The following G3BP1 variants were observed in gnomAD, a reference collection of about 807,000 sequenced individuals.
G3BP1 encodes the protein ras GTPase-activating protein-binding protein 1.
A neutral mutation model predicts 58.6 loss-of-function variants in G3BP1; 35 were observed. That is an observed-to-expected ratio of 0.60 (90% CI 0.46 to 0.79). The LOEUF (loss-of-function observed/expected upper bound fraction) is 0.79, where lower values mean the gene tolerates loss of function less well. Among genes scored for constraint, G3BP1 ranks in the 30% least tolerant of loss-of-function variants. G3BP1 has a pLI of 0.00. For missense variants in G3BP1, 523 were observed against 580.8 expected, an observed-to-expected ratio of 0.90 and a Z score of 1.02; for synonymous variants, 191 against 195.4, an observed-to-expected ratio of 0.98 and a Z score of 0.19.
Position 151,790,908 on chromosome 5 carries a change from T to C in G3BP1, c.197T>C (p.Met66Thr), listed in dbSNP as rs1162387311. Reference sequence around the variant, plus strand: ...TTTAAGGAAATCCACAGGAAAGTGATGTCACAAAACTTCACCAACTGCCAC... The same window carrying C: ...TTTAAGGAAATCCACAGGAAAGTGACGTCACAAAACTTCACCAACTGCCAC... Reference protein sequence around the residue: ...YGQKEIHRKVMSQNFTNCHTK... With the variant: ...YGQKEIHRKVTSQNFTNCHTK... The change falls in exon 4 of 12, where the codon ATG becomes ACG. Residue 66 changes from methionine to threonine, a missense_variant. Met to Thr is a moderately conservative substitution (Grantham distance 81). Around this residue, in one of 2 missense-constraint regions of G3BP1, gnomAD observed 398 missense variants for 399.1 expected, o/e 1.00. Transcript: ENST00000356245. The C allele has an allele frequency of 1.3e-6, 2 of 1,592,550 alleles. No individual in the cohort carries two copies. The highest frequency in any genetic ancestry group is 1.7e-6 in the Non-Finnish European group (2 of 1,163,430).
chr5:151,772,688 T>C (rs1561528492), intron 1 of G3BP1: 1 of 152,324 alleles, frequency 6.6e-6, no homozygotes, highest in African/African-American at 2.4e-5. Context: ...GCTATCCTCC[T>C]TCCTTAGCGG....
At position 151,799,265 on chromosome 5, in the gene G3BP1, TC is replaced by T; in HGVS notation, c.797del (p.Pro266GlnfsTer43). ...AGAATCTTCCACCCAGTGGAGCTGT[TC>T]CAGTTACTGGGATACCACCTCATGT... ...SKNLPPSGAV[P>X]VTGIPPHVVK... On this transcript the variant is annotated frameshift_variant, in exon 8 of 12. Transcript: ENST00000356245. LOFTEE classifies it high-confidence loss of function. The T allele has an allele frequency of 6.2e-7, 1 of 1,607,204 alleles. No homozygotes were observed. The highest frequency in any genetic ancestry group is 8.5e-7 in the Non-Finnish European group (1 of 1,173,642).
At chr5:151,779,059 A>ATCAG (rs1340533253) in intron 1 of G3BP1, among the ~76,000 whole-genome samples, 1 of 151,998 alleles carries the variant, frequency 6.6e-6, no homozygotes, top group African/African-American at 2.4e-5. Context: ...AAAAAAAAAA[A>ATCAG]TCAGTCAGTC....
intron 4 of G3BP1, 149 bp downstream of exon 4, chr5:151,791,211 A>G: frequency 1.1e-5 from 7 of 635,844 alleles, no homozygotes; most frequent in Admixed American, 2.4e-5. Flanking sequence ...CTCCTTACCT[A>G]GAGCAGCTGT....
chr5:151,803,842 AGCT>A, intron 11 of G3BP1, 40 bp from the exon 12 acceptor site: 3 of 1,275,724 alleles, frequency 2.4e-6, no homozygotes, highest in Non-Finnish European at 3.4e-6. Context: ...AGTGATAGCC[AGCT>A]CATCAGTACT....
In G3BP1 at chr5:151,805,467, C is replaced by T. The variant is rs956704085; in HGVS notation, c.*1376C>T. The T allele has an allele frequency of 6.6e-6, 1 of 152,342 alleles. No individual in the cohort carries two copies. The highest frequency in any genetic ancestry group is 2.1e-4 in the South Asian group (1 of 4,824). 9.4% of individuals were successfully genotyped at this position (152,342 alleles called of 1,614,324 possible). ...GTGAAACAAACTTTTGTGTGATTGT[C>T]ATTACTAATTGAAGGGCAACCAGGT... is the stretch of plus-strand genomic sequence containing the variant. On this transcript the variant is annotated 3_prime_UTR_variant, in exon 12 of 12. Transcript: ENST00000356245.
In G3BP1 at chr5:151,808,502, A is replaced by G. The variant is rs1762969094; in HGVS notation, c.*4411A>G. ...TATGTGACTTGTTTGAAAACATTGG[A>G]TTCGTCTTCTCTCCACAGTTTCTAC... On this transcript the variant is annotated 3_prime_UTR_variant, in exon 12 of 12. Transcript: ENST00000356245. 1 of 152,184 alleles carries G rather than the reference A, an allele frequency of 6.6e-6. No individual in the cohort carries two copies. Among genetic ancestry groups the G allele is most frequent in the Admixed American group, 6.5e-5 (1 of 15,284 alleles). 9.4% of individuals were successfully genotyped at this position (152,184 alleles called of 1,614,324 possible). A position where few individuals can be genotyped will look rare whatever the true frequency, so the allele number is the denominator to read the frequency against.
chr5:151,804,447 G>C lies in G3BP1; in HGVS notation c.*356G>C, dbSNP rs1011086075. 1 of 177,222 alleles carries C rather than the reference G, an allele frequency of 5.6e-6. No homozygotes were observed. Among genetic ancestry groups the C allele is most frequent in the African/African-American group, 2.4e-5 (1 of 41,978 alleles). The allele number at this position is 177,222 out of a possible 1,614,324, so 11.0% of individuals were successfully genotyped here. A position where few individuals can be genotyped will look rare whatever the true frequency, so the allele number is the denominator to read the frequency against. ...ATGTCTTGCATATTACTGACATTTGGTATGTTTCATTCATTGGAATATTTC... is the reference window on the plus strand; with the variant it reads ...ATGTCTTGCATATTACTGACATTTGCTATGTTTCATTCATTGGAATATTTC... On this transcript the variant is annotated 3_prime_UTR_variant, in exon 12 of 12. Coordinates refer to ENST00000356245, the MANE Select transcript of G3BP1 (RefSeq NM_005754.3).
intron 4 of G3BP1, 182 bp downstream of exon 4, chr5:151,791,244 A>G (rs566552716): frequency 2.0e-6 from 1 of 503,022 alleles, no homozygotes; most frequent in Admixed American, 3.1e-5. Context: ...ACATGTGTAT[A>G]ATTCTTTCTC....
At chr5:151,799,046 A>G (rs1762803951) in intron 7 of G3BP1, among the ~76,000 whole-genome samples, 166 bp from the exon 8 acceptor site, 1 of 152,182 alleles carries the variant, frequency 6.6e-6, no homozygotes, top group Admixed American at 6.5e-5. Context: ...TTTCAGTACT[A>G]AATTTTGAAT....
intron 2 of G3BP1, chr5:151,787,930 T>TGTGA (rs1554080312): frequency 2.1e-4 from 35 of 164,666 alleles, no homozygotes; most frequent in Admixed American, 8.3e-4. Flanking sequence ...TGTGTGTGTG[T>TGTGA]GAGAGAGAGA....
At chr5:151,794,421 G>A (rs1290939862) in intron 5 of G3BP1, among the ~76,000 whole-genome samples, 172 bp downstream of exon 5, 7 of 152,284 alleles carry the variant, frequency 4.6e-5, no homozygotes, top group Non-Finnish European at 1.0e-4. Context: ...GCTGCTAACA[G>A]GTTAGCTTAT....
At chr5:151,799,422 A>C in intron 8 of G3BP1, 109 bp downstream of exon 8, 1 of 683,372 alleles carries the variant, frequency 1.5e-6, no homozygotes, top group Non-Finnish European at 2.7e-6. Flanking sequence ...AGTGTGGCTC[A>C]TGCCTGTAAT....
At position 151,803,976 on chromosome 5, in the gene G3BP1, G is replaced by A. The variant is rs1463551236; in HGVS notation, c.1286G>A (p.Arg429Gln). ...GGCGACCGACGAGATAATCGCCTTC[G>A]GGGACCTGGAGGCCCTCGAGGTGGG... The part of the protein sequence containing the change: ...REGDRRDNRL[R>Q]GPGGPRGGLG... The change falls in exon 12 of 12, where the codon CGG becomes CAG. Residue 429 changes from arginine (R) to glutamine (Q), a missense_variant. Arg to Gln is a conservative substitution (Grantham distance 43). Transcript: ENST00000356245. 2.5e-6 allele frequency: 4 copies of A among 1,613,378 alleles called. No individual in the cohort carries two copies. Among genetic ancestry groups the A allele is most frequent in the Non-Finnish European group, 3.4e-6 (4 of 1,179,458 alleles).
At chr5:151,783,369 TTTTC>T (rs1216216518) in intron 1 of G3BP1, among the ~76,000 whole-genome samples, 18 of 152,178 alleles carry the variant, frequency 1.2e-4, no homozygotes, top group African/African-American at 3.6e-4. Flanking sequence ...AAAATTTACA[TTTTC>T]TTTCTTTTTT....
intron 4 of G3BP1, chr5:151,792,098 T>C (rs1343600473): frequency 4.4e-6 from 2 of 456,330 alleles, no homozygotes; most frequent in South Asian, 3.1e-5. Flanking sequence ...AGCTGTTCCT[T>C]CAAGGAGGCC....
In G3BP1 at chr5:151,807,421, GTC is replaced by G; in HGVS notation, c.*3332_*3333del. 6.6e-6 allele frequency: 1 copy of G among 152,154 alleles called. No individual in the cohort carries two copies. The highest frequency in any genetic ancestry group is 3.2e-3 in the Middle Eastern group (1 of 316). 9.4% of individuals were successfully genotyped at this position (152,154 alleles called of 1,614,324 possible). A position where few individuals can be genotyped will look rare whatever the true frequency, so the allele number is the denominator to read the frequency against. ...AACTTCCTACTGTAGGGAGACTTGA[GTC>G]TGGAATACATTCAGAACAAGGTTAA... On this transcript the variant is annotated 3_prime_UTR_variant, in exon 12 of 12. Transcript: ENST00000356245.
chr5:151,791,126 G>A (rs1343933002), intron 4 of G3BP1, 64 bp downstream of exon 4: 1 of 1,328,544 alleles, frequency 7.5e-7, no homozygotes, highest in Non-Finnish European at 1.1e-6. Flanking sequence ...ATGAACTGTT[G>A]TGCATATCTT....
At position 151,809,266 on chromosome 5, in the gene G3BP1, A is replaced by G. The variant is rs982103553; in HGVS notation, c.*5175A>G. On this transcript the variant is annotated 3_prime_UTR_variant, in exon 12 of 12. Coordinates refer to ENST00000356245, the MANE Select transcript of G3BP1 (RefSeq NM_005754.3). ...GTCAGTTGTTCTCCTAAATTTTAAA[A>G]TTTTGTTATGAAGATTGGATGTACA... 22 of 152,158 alleles carry G rather than the reference A, an allele frequency of 1.4e-4. No individual in the cohort carries two copies. Among genetic ancestry groups the G allele is most frequent in the African/African-American group, 5.3e-4 (22 of 41,432 alleles). The allele number at this position is 152,158 out of a possible 1,614,324, so 9.4% of individuals were successfully genotyped here. A position where few individuals can be genotyped will look rare whatever the true frequency, so the allele number is the denominator to read the frequency against.
Sources: gnomAD v4.1 joint callset for allele counts (sites outside exome capture counted in the v4.1 genomes callset) on GRCh38, gnomAD v4.1.1 for gene constraint, gnomAD v4.1.1 regional missense constraint, MANE v1.5 for transcripts, NCBI Gene and HGNC (gene_info 2026-07-23, HGNC 2026-07-21) for gene names.